The following EP400 variants were observed in gnomAD, a reference collection of about 807,000 sequenced individuals.
EP400 encodes E1A-binding protein p400.
EP400 carries 105 observed loss-of-function variants against 354.1 expected under a neutral mutation model. The ratio of observed to expected loss-of-function variants is 0.30; its 90% CI spans 0.25 to 0.35. The LOEUF (loss-of-function observed/expected upper bound fraction) is 0.35. EP400 is among the 10% of genes least tolerant of loss of function. EP400 has a pLI of 1.00. For missense variants in EP400, 3,280 were observed against 4,121.0 expected, an observed-to-expected ratio of 0.80 and a Z score of 5.59; for synonymous variants, 1,646 against 1,716.9, an observed-to-expected ratio of 0.96 and a Z score of 1.02.
chr12:132,021,709 C>T (rs1318139161), intron 23 of EP400, among the ~76,000 whole-genome samples: 3 of 152,342 alleles, frequency 2.0e-5, no homozygotes, highest in Middle Eastern at 6.8e-3. Context: ...TTGGGAAGGT[C>T]GCTTCCTTGC....
At chr12:131,982,581 C>G in intron 5 of EP400, 103 bp downstream of exon 5, 1 of 1,412,358 alleles carries the variant, frequency 7.1e-7, no homozygotes, top group Non-Finnish European at 9.5e-7. Flanking sequence ...TGTGTATTTT[C>G]TCTTAGCAGC....
intron 1 of EP400, among the ~76,000 whole-genome samples, chr12:131,951,221 T>C (rs965169027): frequency 2.7e-5 from 4 of 150,422 alleles, no homozygotes; most frequent in Non-Finnish European, 5.9e-5. Flanking sequence ...GGCCAGTTTT[T>C]TGTGTGTTTT....
rs1266888051 is a variant in EP400 at position 132,077,904 on chromosome 12, C to T, written c.*231C>T. On this transcript the variant is annotated 3_prime_UTR_variant, in exon 53 of 53. Coordinates refer to ENST00000389561, the MANE Select transcript of EP400 (RefSeq NM_015409.5). ...ACGTGGCTCATGGAAAAAGTGACAACATGGCTTCCTCTAAATCATTTCACC... is the reference window on the plus strand; with the variant it reads ...ACGTGGCTCATGGAAAAAGTGACAATATGGCTTCCTCTAAATCATTTCACC... 5 of 577,036 alleles carry T rather than the reference C, an allele frequency of 8.7e-6. No individual in the cohort carries two copies. Among genetic ancestry groups the T allele is most frequent in the Non-Finnish European group, 1.5e-5 (5 of 335,904 alleles). The allele number at this position is 577,036 out of a possible 1,614,324, so 35.7% of individuals were successfully genotyped here.
intron 19 of EP400, among the ~76,000 whole-genome samples, chr12:132,014,818 C>G (rs1015499798): frequency 9.2e-5 from 14 of 152,188 alleles, no homozygotes; most frequent in Non-Finnish European, 1.9e-4. Flanking sequence ...GGTGCTGTGG[C>G]GGGAGCAGAC....
intron 24 of EP400, among the ~76,000 whole-genome samples, chr12:132,024,236 G>C (rs1320998513): frequency 6.6e-6 from 1 of 152,156 alleles, no homozygotes; most frequent in Non-Finnish European, 1.5e-5. Context: ...GGCCAGGCGT[G>C]GTGGTGCTCT....
intron 12 of EP400, among the ~76,000 whole-genome samples, chr12:131,998,680 G>T (rs1893296892): frequency 7.6e-6 from 1 of 131,690 alleles, no homozygotes; most frequent in African/African-American, 2.8e-5. Flanking sequence ...ATACAGTCTT[G>T]TATACAAAGA....
chr12:131,981,715 C>T, intron 4 of EP400, 119 bp downstream of exon 4: 1 of 797,542 alleles, frequency 1.3e-6, no homozygotes, highest in Admixed American at 2.8e-5. Flanking sequence ...AGTGGGGTGC[C>T]TGAAATTGAG....
intron 15 of EP400, among the ~76,000 whole-genome samples, chr12:132,010,951 C>A (rs551522346): frequency 6.6e-6 from 1 of 152,254 alleles, no homozygotes; most frequent in East Asian, 1.9e-4. Context: ...TTAAAAAAAA[C>A]AAAATCTTAG....
Position 132,050,483 on chromosome 12 carries a change from T to G in EP400, c.7337+24T>G. The G allele has an allele frequency of 1.9e-6, 3 of 1,614,112 alleles. No homozygotes were observed. The African/African-American group carries it at 4.0e-5, about 22-fold the overall frequency. ...CTGTATGTTTCCTGAGTGCTCATTT[T>G]ATGTTCATTATGACTGAGTAGATTG... is the stretch of plus-strand genomic sequence containing the variant. On this transcript the variant is annotated intron_variant, in intron 40 of 52. Coordinates refer to ENST00000389561, the MANE Select transcript of EP400 (RefSeq NM_015409.5). This position sits in a 1 kb window ranked among gnomAD's most constrained non-coding sequence, Gnocchi z 4.8.
chr12:132,042,511 C>T (rs1209353637), intron 32 of EP400, among the ~76,000 whole-genome samples: 1 of 152,294 alleles, frequency 6.6e-6, no homozygotes, highest in African/African-American at 2.4e-5. Context: ...TTTTCTTCTA[C>T]ATGTTGCATT....
At chr12:131,957,452 C>T (rs1376190089) in intron 1 of EP400, among the ~76,000 whole-genome samples, 2 of 143,158 alleles carry the variant, frequency 1.4e-5, no homozygotes, top group African/African-American at 2.6e-5. Flanking sequence ...CTTTTGTGTT[C>T]GGTTTTTTAA....
In EP400 at chr12:132,028,177, G is replaced by A. The variant is rs138213921; in HGVS notation, c.5270G>A (p.Arg1757His). 33 of 1,614,056 alleles carry A rather than the reference G, an allele frequency of 2.0e-5. No homozygotes were observed. The highest frequency in any genetic ancestry group is 1.6e-4 in the East Asian group (7 of 44,896). Residue 1757 changes from arginine (R) to histidine (H), a missense_variant, in exon 27 of 53, where the codon CGT (arginine) becomes CAT (histidine). Around this residue, in one of 20 missense-constraint regions of EP400, gnomAD observed 459 missense variants for 496.9 expected, o/e 0.92. Transcript: ENST00000389561. ...TGGCGTGGGTCCCTGGATGGCCGTC[G>A]TGGGAAGGAGGCCGGGCCAGCGCAC... ...VQWRGSLDGR[R>H]GKEAGPAHSY...
At chr12:132,041,424 T>TG (rs553759718) in intron 32 of EP400, among the ~76,000 whole-genome samples, 149 of 152,374 alleles carry the variant, frequency 9.8e-4, no homozygotes, top group Non-Finnish European at 1.6e-3. Context: ...TGCTGCCTCT[T>TG]GCGAATTCTG....
rs1049361514 is a variant in EP400 at position 131,966,177 on chromosome 12, G to A, written c.1335+4223G>A. Among the ~76,000 whole-genome samples the A allele has an allele frequency of 2.0e-5, 3 of 151,920 alleles. No homozygotes were observed. The South Asian group carries it at 6.2e-4, about 31-fold the overall frequency. On this transcript the variant is annotated intron_variant, in intron 2 of 52. Coordinates refer to ENST00000389561, the MANE Select transcript of EP400 (RefSeq NM_015409.5). The stretch of plus-strand genomic sequence containing the variant: ...TGCTGAGGCGGGAGGATTGCTTGAG[G>A]CCAGAAATTTAAGACCAACCTGGGC...
intron 2 of EP400, among the ~76,000 whole-genome samples, chr12:131,977,423 A>G (rs906374632): frequency 6.6e-6 from 1 of 150,816 alleles, no homozygotes; most frequent in African/African-American, 2.4e-5. Context: ...GTGAGCCACC[A>G]TGCCCGGCCT....
In EP400 at chr12:132,044,348, C is replaced by G. The variant is rs771738735; in HGVS notation, c.6585+37C>G. The G allele has an allele frequency of 2.5e-6, 4 of 1,596,372 alleles. No homozygotes were observed. The South Asian group carries it at 3.3e-5, about 13-fold the overall frequency. ...GGGGCCCTCCTGCCCTCTTGCCCCC[C>G]TGCTGAGGGGCACTTGTGCAGCCAT... On this transcript the variant is annotated intron_variant, in intron 35 of 52. Transcript: ENST00000389561.
At position 131,961,573 on chromosome 12, in the gene EP400, G is replaced by A. The variant is rs997537553; in HGVS notation, c.954G>A (p.Pro318=). The change falls in exon 2 of 53, where the codon CCG becomes CCA. Residue 318 remains proline (P), a synonymous_variant. Transcript: ENST00000389561. ...GGTTTGGGATGACGTCCCCACCCCC[G>A]CCCACCAGCCCTTCCAGGACTGCCG... ...AAGFGMTSPP[P]PTSPSRTAVP... is the part of the protein sequence containing the mutation. The A allele has an allele frequency of 2.3e-5, 35 of 1,542,048 alleles. No individual in the cohort carries two copies. Among genetic ancestry groups the A allele is most frequent in the East Asian group, 1.5e-4 (6 of 41,358 alleles).
chr12:131,988,584 T>A (rs1892934101), intron 7 of EP400, among the ~76,000 whole-genome samples: 1 of 152,184 alleles, frequency 6.6e-6, no homozygotes, highest in South Asian at 2.1e-4. Flanking sequence ...GCTGAGAATT[T>A]ATTTTTCTCC....
In EP400 at chr12:131,990,409, C is replaced by T. The variant is rs571336052; in HGVS notation, c.2551-227C>T. On this transcript the variant is annotated intron_variant, in intron 8 of 52. Transcript: ENST00000389561. This position sits in a 1 kb window ranked among gnomAD's most constrained non-coding sequence, Gnocchi z 4.2. Reference sequence around the variant, plus strand: ...CCACCACGGTTACTTCTAGAGCGGTCGCTCGCTCACTTGCTTTCCTTTTTT... The same window carrying T: ...CCACCACGGTTACTTCTAGAGCGGTTGCTCGCTCACTTGCTTTCCTTTTTT... Among the ~76,000 whole-genome samples the T allele has an allele frequency of 1.3e-5, 2 of 152,306 alleles. No individual in the cohort carries two copies. Among genetic ancestry groups the T allele is most frequent in the East Asian group, 1.9e-4 (1 of 5,180 alleles).
Sources: gnomAD v4.1 joint callset for allele counts (sites outside exome capture counted in the v4.1 genomes callset) on GRCh38, gnomAD v4.1.1 for gene constraint, gnomAD v4.1.1 regional missense constraint, Gnocchi (gnomAD v3.1) non-coding constraint, MANE v1.5 for transcripts, NCBI Gene and HGNC (gene_info 2026-07-23, HGNC 2026-07-21) for gene names.